KLHL8: variants seen among roughly 807,000 people sequenced by gnomAD.
KLHL8 encodes kelch-like protein 8.
KLHL8 carries 38 observed loss-of-function variants against 63.5 expected under a neutral mutation model. That is an observed-to-expected ratio of 0.60 (90% CI 0.46 to 0.78). The LOEUF (loss-of-function observed/expected upper bound fraction) is 0.78, where lower values mean the gene tolerates loss of function less well. KLHL8 is among the 30% of genes least tolerant of loss of function. The pLI, the probability that KLHL8 is intolerant of heterozygous loss-of-function variation, is 0.00. For missense variants in KLHL8, 566 were observed against 752.4 expected (o/e 0.75, Z 2.90); for synonymous variants, 224 against 254.3 (o/e 0.88, Z 1.13).
intron 1 of KLHL8, among the ~76,000 whole-genome samples, chr4:87,234,325 G>A (rs1185078409): frequency 6.6e-6 from 1 of 152,070 alleles, no homozygotes; most frequent in African/African-American, 2.4e-5. Flanking sequence ...TGTAGTCCCA[G>A]CTACTCAGGA....
At chr4:87,207,085 G>C in intron 1 of KLHL8, 1 of 485,216 alleles carries the variant, frequency 2.1e-6, no homozygotes, top group Non-Finnish European at 3.9e-6. Flanking sequence ...GCATCGCTGA[G>C]GTAGTGAAGG....
intron 1 of KLHL8, among the ~76,000 whole-genome samples, chr4:87,238,992 A>G (rs1376344751): frequency 1.3e-5 from 2 of 152,292 alleles, no homozygotes; most frequent in East Asian, 1.9e-4. Context: ...TTGTTTCGAG[A>G]CACCTATTTT....
intron 1 of KLHL8, among the ~76,000 whole-genome samples, chr4:87,230,010 C>T (rs1733107400): frequency 6.6e-6 from 1 of 152,128 alleles, no homozygotes; most frequent in Non-Finnish European, 1.5e-5. Context: ...AAGTTCATTC[C>T]CACCCTCTCA....
At chr4:87,181,762 C>T (rs958886980) in intron 4 of KLHL8, among the ~76,000 whole-genome samples, 6 of 152,014 alleles carry the variant, frequency 3.9e-5, no homozygotes, top group Non-Finnish European at 7.4e-5. Context: ...TATCTAAAAC[C>T]TACTACATAA....
chr4:87,240,008 C>G (rs575664338), intron 1 of KLHL8, among the ~76,000 whole-genome samples: 1 of 152,208 alleles, frequency 6.6e-6, no homozygotes, highest in Non-Finnish European at 1.5e-5. Flanking sequence ...TGCTCAAAGT[C>G]CTAATAATTT....
At chr4:87,176,502 G>T (rs1447161157) in intron 6 of KLHL8, among the ~76,000 whole-genome samples, 2 of 151,930 alleles carry the variant, frequency 1.3e-5, no homozygotes, top group African/African-American at 2.4e-5. Flanking sequence ...AAAATAAAAT[G>T]TTTAAAAAAA....
At chr4:87,179,468 T>C (rs1307671513) in intron 4 of KLHL8, among the ~76,000 whole-genome samples, 1 of 152,160 alleles carries the variant, frequency 6.6e-6, no homozygotes, top group African/African-American at 2.4e-5. Context: ...TGCCACTGAA[T>C]TGTACACTTA....
intron 1 of KLHL8, chr4:87,208,034 A>G: frequency 1.5e-6 from 1 of 661,128 alleles, no homozygotes; most frequent in South Asian, 1.4e-5. Context: ...TATAGCGATG[A>G]ATTTGGCTAC....
At chr4:87,197,221 TGTGGG>T (rs879564789) in intron 1 of KLHL8, among the ~76,000 whole-genome samples, 52,108 of 151,294 alleles carry the variant, frequency 0.34, 9,768 homozygotes, top group Middle Eastern at 0.56. Flanking sequence ...ATTGACGGAA[TGTGGG>T]AAAGTGATGA....
chr4:87,194,673 A>G (rs1731626950), intron 2 of KLHL8, among the ~76,000 whole-genome samples: 1 of 152,232 alleles, frequency 6.6e-6, no homozygotes, highest in South Asian at 2.1e-4. Context: ...ATGAGAAACA[A>G]TCAACAAAGG....
Position 87,162,767 on chromosome 4 carries a change from A to G in KLHL8, c.*752T>C, listed in dbSNP as rs1220010469. ...AACATCAGATCTAAAACCTTGTTCAATATTTCCTCTGGTTCACCTTTTGAT... is the reference window on the plus strand; with the variant it reads ...AACATCAGATCTAAAACCTTGTTCAGTATTTCCTCTGGTTCACCTTTTGAT... On this transcript the variant is annotated 3_prime_UTR_variant, in exon 10 of 10. Transcript: ENST00000273963. 1.3e-5 allele frequency: 2 copies of G among 152,338 alleles called. No homozygotes were observed. The highest frequency in any genetic ancestry group is 2.4e-5 in the African/African-American group (1 of 41,578). 9.4% of individuals were successfully genotyped at this position (152,338 alleles called of 1,614,324 possible).
intron 1 of KLHL8, among the ~76,000 whole-genome samples, chr4:87,205,486 G>A (rs767675886): frequency 2.6e-5 from 4 of 152,082 alleles, no homozygotes; most frequent in Admixed American, 6.5e-5. Context: ...TGCCGTCATC[G>A]TTCTAATTGC....
At chr4:87,217,211 T>C (rs1202090532) in intron 1 of KLHL8, among the ~76,000 whole-genome samples, 2 of 150,880 alleles carry the variant, frequency 1.3e-5, no homozygotes, top group East Asian at 3.9e-4. Context: ...CTCCCTCTTG[T>C]TTCTTTGGCT....
intron 2 of KLHL8, among the ~76,000 whole-genome samples, chr4:87,193,320 C>G (rs1030355682): frequency 9.2e-5 from 14 of 152,124 alleles, no homozygotes; most frequent in African/African-American, 3.1e-4. Flanking sequence ...TAGCCTGCAT[C>G]TATATCAAGT....
chr4:87,170,026 T>A, intron 8 of KLHL8, 53 bp downstream of exon 8: 1 of 1,400,290 alleles, frequency 7.1e-7, no homozygotes, highest in Non-Finnish European at 1.0e-6. Context: ...CTCTGTTATA[T>A]GACACTTGTC....
At position 87,234,224 on chromosome 4, in the gene KLHL8, G is replaced by A. The variant is rs570197944; in HGVS notation, n.57+6034C>T. ...GGAGGCCAAGGTGGGCGGATCACAA[G>A]GTCAAGAGATTGAGACCATCCTGAC... On this transcript the variant is annotated intron_variant and non_coding_transcript_variant, in intron 1 of 1. Transcript: ENST00000506274. 4.6e-5 allele frequency among the ~76,000 whole-genome samples: 7 copies of A among 152,278 alleles called. No individual in the cohort carries two copies. The East Asian group carries it at 1.2e-3, about 25-fold the overall frequency.
At chr4:87,179,612 CA>C (rs145010928) in intron 4 of KLHL8, among the ~76,000 whole-genome samples, 2 of 151,550 alleles carry the variant, frequency 1.3e-5, no homozygotes, top group Non-Finnish European at 2.9e-5. Flanking sequence ...CCTATCTCTA[CA>C]AAAAAAATTT....
At chr4:87,179,246 C>T (rs753667355) in intron 4 of KLHL8, among the ~76,000 whole-genome samples, 1 of 152,188 alleles carries the variant, frequency 6.6e-6, no homozygotes, top group Non-Finnish European at 1.5e-5. Context: ...TCTTCCTTCC[C>T]TGTGGTGTCC....
At chr4:87,190,294 T>C (rs890243550) in intron 2 of KLHL8, among the ~76,000 whole-genome samples, 2 of 152,168 alleles carry the variant, frequency 1.3e-5, no homozygotes. Flanking sequence ...ACTATTATAG[T>C]GGATATACAG....
Sources: gnomAD v4.1 joint callset for allele counts (sites outside exome capture counted in the v4.1 genomes callset) on GRCh38, gnomAD v4.1.1 for gene constraint, MANE v1.5 for transcripts, NCBI Gene and HGNC (gene_info 2026-07-23, HGNC 2026-07-21) for gene names.